SMOC2: variants seen among roughly 807,000 people sequenced by gnomAD.
The protein encoded by SMOC2 is SPARC-related modular calcium-binding protein 2.
A neutral mutation model predicts 61.4 loss-of-function variants in SMOC2; 39 were observed. The ratio of observed to expected loss-of-function variants is 0.64; its 90% CI spans 0.49 to 0.83. The LOEUF is 0.83. Among genes scored for constraint, SMOC2 ranks in the 40% least tolerant of loss-of-function variants. The probability of loss-of-function intolerance (pLI) is 0.00; values close to 1 mark genes in which losing one functional copy is unlikely to be tolerated. For missense variants in SMOC2, 556 were observed against 592.9 expected (o/e 0.94, Z 0.65); for synonymous variants, 247 against 239.9 (o/e 1.03, Z -0.27).
At chr6:168,463,485 G>A (rs1047495672) in intron 1 of SMOC2, among the ~76,000 whole-genome samples, 2 of 152,192 alleles carry the variant, frequency 1.3e-5, no homozygotes, top group African/African-American at 4.8e-5. Flanking sequence ...CATTTTTCAA[G>A]TAATGCATGT....
At position 168,598,854 on chromosome 6, in the gene SMOC2, A is replaced by C; in HGVS notation, c.674A>C (p.Glu225Ala). 1 of 1,613,808 alleles carries C rather than the reference A, an allele frequency of 6.2e-7. No individual in the cohort carries two copies. Among genetic ancestry groups the C allele is most frequent in the East Asian group, 2.2e-5 (1 of 44,866 alleles). ...GACCAAGAGCACCAGTCTGCCCTGG[A>C]GGAAGCCAAGCAGCCCAAGAACGAC... is the stretch of plus-strand genomic sequence containing the variant. ...SCDQEHQSAL[E>A]EAKQPKNDNV... The change falls in exon 8 of 13, where the codon GAG (glutamate) becomes GCG (alanine). Residue 225 changes from glutamate to alanine, a missense_variant. Coordinates refer to ENST00000356284, the MANE Select transcript of SMOC2 (RefSeq NM_001166412.2).
intron 2 of SMOC2, among the ~76,000 whole-genome samples, chr6:168,525,807 C>T (rs1181254144): frequency 6.6e-6 from 1 of 152,318 alleles, no homozygotes; most frequent in African/African-American, 2.4e-5. Context: ...TGGGACGGTG[C>T]CCTGGGCTGC....
chr6:168,481,043 G>A (rs891954273), intron 1 of SMOC2, among the ~76,000 whole-genome samples: 8 of 152,154 alleles, frequency 5.3e-5, no homozygotes, highest in Non-Finnish European at 8.8e-5. Flanking sequence ...TAAAAGCTGA[G>A]GAAGTTTCTT....
intron 1 of SMOC2, among the ~76,000 whole-genome samples, chr6:168,448,626 G>A (rs1781390831): frequency 1.4e-5 from 2 of 147,694 alleles, no homozygotes; most frequent in African/African-American, 5.3e-5. Context: ...ATGGTGATGG[G>A]GAGGATGGTG....
chr6:168,484,384 C>A (rs1344265362), intron 1 of SMOC2, among the ~76,000 whole-genome samples: 3 of 152,064 alleles, frequency 2.0e-5, no homozygotes, highest in Non-Finnish European at 4.4e-5. Flanking sequence ...AGAAAAACTA[C>A]AATGAGGTGC....
intron 4 of SMOC2, among the ~76,000 whole-genome samples, chr6:168,530,293 G>A (rs1402467801): frequency 6.6e-6 from 1 of 152,044 alleles, no homozygotes; most frequent in African/African-American, 2.4e-5. Flanking sequence ...AAGCCTCCCA[G>A]CTTTTCAGTT....
At chr6:168,588,487 C>G (rs1208012863) in intron 7 of SMOC2, among the ~76,000 whole-genome samples, 1 of 152,096 alleles carries the variant, frequency 6.6e-6, no homozygotes, top group African/African-American at 2.4e-5. Context: ...AGGCTCATCT[C>G]ATTCCTGAGG....
At chr6:168,538,241 G>A (rs1583091854) in intron 4 of SMOC2, among the ~76,000 whole-genome samples, 1 of 147,456 alleles carries the variant, frequency 6.8e-6, no homozygotes, top group East Asian at 2.1e-4. Context: ...GGGGAGCGGG[G>A]TGGCCCCTGC....
chr6:168,507,929 C>T (rs1782912665), intron 1 of SMOC2, among the ~76,000 whole-genome samples: 1 of 152,248 alleles, frequency 6.6e-6, no homozygotes, highest in African/African-American at 2.4e-5. Context: ...CTCTTGGCTC[C>T]AGCCTTCATC....
chr6:168,495,903 C>A (rs760924201), intron 1 of SMOC2, among the ~76,000 whole-genome samples: 2 of 152,220 alleles, frequency 1.3e-5, no homozygotes, highest in Non-Finnish European at 2.9e-5. Flanking sequence ...CACCGATGAG[C>A]GGTCAGGGCC....
intron 7 of SMOC2, among the ~76,000 whole-genome samples, chr6:168,571,910 A>G (rs554984446): frequency 3.7e-5 from 2 of 54,102 alleles, no homozygotes; most frequent in African/African-American, 2.4e-4. Flanking sequence ...GTGCTCCCTG[A>G]ACGCGATGTT....
intron 7 of SMOC2, among the ~76,000 whole-genome samples, chr6:168,580,342 T>C (rs1210893093): frequency 6.6e-6 from 1 of 152,184 alleles, no homozygotes; most frequent in Admixed American, 6.5e-5. Flanking sequence ...ATTTTCCTTT[T>C]CACGGGTATT....
rs1554287070 is a variant in SMOC2 at position 168,523,079 on chromosome 6, ATTT to A, written c.257-3249_257-3247del. 4.3e-5 allele frequency among the ~76,000 whole-genome samples: 4 copies of A among 93,664 alleles called. 1 individual carries two copies. Among genetic ancestry groups the A allele is most frequent in the Non-Finnish European group, 8.8e-5 (4 of 45,380 alleles). The allele number at this position is 93,664 out of a possible 152,430, so 61.4% of individuals were successfully genotyped here. On this transcript the variant is annotated intron_variant, in intron 2 of 12. Coordinates refer to ENST00000356284, the MANE Select transcript of SMOC2 (RefSeq NM_001166412.2). ...TTATGTTATTTGTAGTTGTACAGTA[ATTT>A]TTTTTTTTTTTTTTTTTGAGACGGA...
chr6:168,599,418 A>ACACG (rs1785447858), intron 8 of SMOC2, among the ~76,000 whole-genome samples: 1 of 57,988 alleles, frequency 1.7e-5, no homozygotes. Flanking sequence ...ACACATTCAT[A>ACACG]CCCCCCACAC....
intron 4 of SMOC2, among the ~76,000 whole-genome samples, chr6:168,543,311 G>A (rs1783914810): frequency 6.6e-6 from 1 of 152,192 alleles, no homozygotes; most frequent in African/African-American, 2.4e-5. Flanking sequence ...ACCCCAACAT[G>A]GGTATGTATG....
At chr6:168,449,959 C>G (rs943690291) in intron 1 of SMOC2, among the ~76,000 whole-genome samples, 1 of 152,192 alleles carries the variant, frequency 6.6e-6, no homozygotes, top group Admixed American at 6.5e-5. Flanking sequence ...CAGGACTGTG[C>G]CCTGTGGTCC....
chr6:168,563,140 G>A (rs1017170053), intron 7 of SMOC2, among the ~76,000 whole-genome samples: 22 of 152,202 alleles, frequency 1.4e-4, no homozygotes, highest in African/African-American at 4.8e-4. Flanking sequence ...GAAAAAGCAG[G>A]TATTCATCGC....
intron 7 of SMOC2, among the ~76,000 whole-genome samples, chr6:168,557,424 C>A (rs558204356): frequency 6.6e-6 from 1 of 152,218 alleles, no homozygotes; most frequent in Non-Finnish European, 1.5e-5. Context: ...TTTCAATATT[C>A]AATCACACTG....
chr6:168,537,843 C>T (rs966792622), intron 4 of SMOC2, among the ~76,000 whole-genome samples: 7 of 152,218 alleles, frequency 4.6e-5, no homozygotes, highest in African/African-American at 1.7e-4. Context: ...AGGGCCTGGC[C>T]TGGAGTTCAC....
Sources: gnomAD v4.1 joint callset for allele counts (sites outside exome capture counted in the v4.1 genomes callset) on GRCh38, gnomAD v4.1.1 for gene constraint, MANE v1.5 for transcripts, NCBI Gene and HGNC (gene_info 2026-07-23, HGNC 2026-07-21) for gene names.